Variants in SGPP1 observed in about 807,000 individuals in gnomAD.
SGPP1 encodes sphingosine-1-phosphate phosphatase 1, also known as hSPP1.
In SGPP1, 21 loss-of-function variants were observed where a neutral mutation model predicts 33.0. The ratio of observed to expected loss-of-function variants is 0.64; its 90% CI spans 0.45 to 0.92. The LOEUF (loss-of-function observed/expected upper bound fraction) is 0.92, where lower values mean the gene tolerates loss of function less well. Ranked by LOEUF, SGPP1 falls within the 40% of genes least tolerant of loss-of-function variation. The probability of loss-of-function intolerance (pLI) is 0.00; values close to 1 mark genes in which losing one functional copy is unlikely to be tolerated. For synonymous variants in SGPP1, 239 were observed against 241.2 expected, an observed-to-expected ratio of 0.99 and a Z score of 0.08; for missense variants, 543 against 589.4, an observed-to-expected ratio of 0.92 and a Z score of 0.81.
chr14:63,721,162 C>T (rs1310983014), intron 1 of SGPP1, among the ~76,000 whole-genome samples: 4 of 152,214 alleles, frequency 2.6e-5, no homozygotes, highest in Admixed American at 1.3e-4. Flanking sequence ...GGATTACAGG[C>T]GTGAGCCACA....
intron 2 of SGPP1, among the ~76,000 whole-genome samples, chr14:63,692,220 C>T (rs1387981135): frequency 1.3e-5 from 2 of 152,324 alleles, no homozygotes; most frequent in African/African-American, 4.8e-5. Context: ...TTGCTCTTGT[C>T]CCCAGGACAG....
chr14:63,697,635 G>T (rs1885213347), intron 2 of SGPP1, among the ~76,000 whole-genome samples: 1 of 152,136 alleles, frequency 6.6e-6, no homozygotes, highest in Non-Finnish European at 1.5e-5. Context: ...AGGATAAGTG[G>T]GGAAGGGTCA....
At position 63,727,975 on chromosome 14, in the gene SGPP1, CCTCCGG is replaced by C; in HGVS notation, c.-37_-32del. ...CGGAACCCCCGGGAAGGCGGGCCGGCCTCCGGCGCAGCCCCGAACTGTCCCCGCGCT... is the reference window on the plus strand; with the variant it reads ...CGGAACCCCCGGGAAGGCGGGCCGGCCGCAGCCCCGAACTGTCCCCGCGCT... On this transcript the variant is annotated 5_prime_UTR_variant, in exon 1 of 3. Coordinates refer to ENST00000247225, the MANE Select transcript of SGPP1 (RefSeq NM_030791.4). The C allele has an allele frequency of 6.6e-7, 1 of 1,526,508 alleles. No individual in the cohort carries two copies. Among genetic ancestry groups the C allele is most frequent in the South Asian group, 1.2e-5 (1 of 83,796 alleles). The allele number at this position is 1,526,508 out of a possible 1,614,324, so 94.6% of individuals were successfully genotyped here. A position where few individuals can be genotyped will look rare whatever the true frequency, so the allele number is the denominator to read the frequency against.
chr14:63,690,435 A>G (rs1885069670), intron 2 of SGPP1, among the ~76,000 whole-genome samples: 1 of 152,246 alleles, frequency 6.6e-6, no homozygotes, highest in Admixed American at 6.5e-5. Context: ...AAAGAGATAT[A>G]ACTCCAAATC....
At chr14:63,707,258 T>C (rs1221264943) in intron 1 of SGPP1, among the ~76,000 whole-genome samples, 1 of 152,146 alleles carries the variant, frequency 6.6e-6, no homozygotes, top group Non-Finnish European at 1.5e-5. Flanking sequence ...ATATATTTTA[T>C]ATCAAAAACC....
intron 1 of SGPP1, among the ~76,000 whole-genome samples, chr14:63,718,970 G>GTATATA (rs1566536491): frequency 1.6e-5 from 1 of 63,560 alleles, no homozygotes; most frequent in East Asian, 5.3e-4. Flanking sequence ...TCATATATAT[G>GTATATA]TATATACATA....
rs931467859 is a variant in SGPP1 at position 63,684,832 on chromosome 14, A to G, written c.*1273T>C. ...GCAAATTTTCCACTGTGAAAATAATAGAAAGTTGAAAAAATAATAGGATCT... is the reference window on the plus strand; with the variant it reads ...GCAAATTTTCCACTGTGAAAATAATGGAAAGTTGAAAAAATAATAGGATCT... On this transcript the variant is annotated 3_prime_UTR_variant, in exon 3 of 3. Coordinates refer to ENST00000247225, the MANE Select transcript of SGPP1 (RefSeq NM_030791.4). 2 of 152,490 alleles carry G rather than the reference A, an allele frequency of 1.3e-5. No homozygotes were observed. Among genetic ancestry groups the G allele is most frequent in the Non-Finnish European group, 2.9e-5 (2 of 67,894 alleles). The allele number at this position is 152,490 out of a possible 1,614,324, so 9.4% of individuals were successfully genotyped here.
intron 1 of SGPP1, among the ~76,000 whole-genome samples, chr14:63,716,265 G>T (rs1315408278): frequency 6.6e-6 from 1 of 152,158 alleles, no homozygotes; most frequent in Non-Finnish European, 1.5e-5. Flanking sequence ...AAACGGGGGT[G>T]AGAGGATAGT....
At chr14:63,699,954 TGACA>T (rs1348897727) in intron 1 of SGPP1, among the ~76,000 whole-genome samples, 1 of 152,122 alleles carries the variant, frequency 6.6e-6, no homozygotes, top group African/African-American at 2.4e-5. Flanking sequence ...TAGTAGTTAC[TGACA>T]GTCTTACCTT....
chr14:63,699,855 AC>A (rs1885260492), intron 1 of SGPP1, among the ~76,000 whole-genome samples: 1 of 151,428 alleles, frequency 6.6e-6, no homozygotes, highest in African/African-American at 2.4e-5. Context: ...TTCACCTTTC[AC>A]CATTTATTTT....
chr14:63,713,641 C>T (rs151338752), intron 1 of SGPP1, among the ~76,000 whole-genome samples: 2 of 152,194 alleles, frequency 1.3e-5, no homozygotes, highest in East Asian at 3.9e-4. Flanking sequence ...ATTTGAAAGC[C>T]AAAATCTAGG....
intron 1 of SGPP1, among the ~76,000 whole-genome samples, chr14:63,713,640 C>T (rs949479396): frequency 6.6e-6 from 1 of 152,098 alleles, no homozygotes; most frequent in African/African-American, 2.4e-5. Flanking sequence ...AATTTGAAAG[C>T]CAAAATCTAG....
intron 1 of SGPP1, among the ~76,000 whole-genome samples, chr14:63,717,211 G>T (rs1296957921): frequency 2.0e-5 from 3 of 146,634 alleles, no homozygotes; most frequent in African/African-American, 7.6e-5. Flanking sequence ...AACAGAAACT[G>T]TAAAAAAGGA....
chr14:63,686,248 A>T lies in SGPP1; in HGVS notation c.1183T>A (p.Phe395Ile). ...KITIPLACKI[F>I]NIPCDDIRKA... ...CGAATATCATCACACGGTATATTGA[A>T]GATTTTGCAGGCTAAAGGAATGGTG... The change falls in exon 3 of 3, where the codon TTC (phenylalanine) becomes ATC (isoleucine). Residue 395 changes from phenylalanine (F) to isoleucine (I), a missense_variant. Phe to Ile is a conservative substitution (Grantham distance 21). Coordinates refer to ENST00000247225, the MANE Select transcript of SGPP1 (RefSeq NM_030791.4). 1.2e-6 allele frequency: 2 copies of T among 1,614,218 alleles called. No individual in the cohort carries two copies. Among genetic ancestry groups the T allele is most frequent in the Non-Finnish European group, 1.7e-6 (2 of 1,180,030 alleles).
At chr14:63,708,234 T>C (rs1055382251) in intron 1 of SGPP1, among the ~76,000 whole-genome samples, 3 of 148,986 alleles carry the variant, frequency 2.0e-5, no homozygotes, top group Non-Finnish European at 4.5e-5. Context: ...TGGTACTCAC[T>C]GGCTATAGCA....
intron 2 of SGPP1, among the ~76,000 whole-genome samples, chr14:63,693,393 G>A (rs1254795955): frequency 6.6e-6 from 1 of 152,108 alleles, no homozygotes; most frequent in East Asian, 1.9e-4. Context: ...AAAAGCTGTT[G>A]CTTTACTTTT....
intron 2 of SGPP1, among the ~76,000 whole-genome samples, chr14:63,690,468 T>C (rs1885070608): frequency 1.3e-5 from 2 of 152,172 alleles, no homozygotes; most frequent in South Asian, 2.1e-4. Context: ...AATATAAGAA[T>C]AGCTGGAGAA....
At chr14:63,722,971 C>G (rs80213851) in intron 1 of SGPP1, among the ~76,000 whole-genome samples, 1 of 68,978 alleles carries the variant, frequency 1.4e-5, no homozygotes, top group Non-Finnish European at 3.1e-5. Flanking sequence ...GACCCTGTCT[C>G]AAAAAAAAAA....
intron 1 of SGPP1, among the ~76,000 whole-genome samples, chr14:63,710,264 A>G (rs1163291391): frequency 7.2e-5 from 11 of 152,220 alleles, no homozygotes. Flanking sequence ...CAGCAATGCT[A>G]GAATTCTATA....
Sources: allele counts gnomAD v4.1 joint callset (sites outside exome capture counted in the v4.1 genomes callset), GRCh38; gene constraint gnomAD v4.1.1; transcripts MANE v1.5; gene names NCBI Gene and HGNC (gene_info 2026-07-23, HGNC 2026-07-21).